TRHDE: variants seen among roughly 807,000 people sequenced by gnomAD.
TRHDE encodes thyrotropin-releasing hormone-degrading ectoenzyme.
In TRHDE, 72 loss-of-function variants were observed where a neutral mutation model predicts 125.7. That is an observed-to-expected ratio of 0.57 (90% confidence interval 0.47 to 0.70). The LOEUF (loss-of-function observed/expected upper bound fraction) is 0.70. Among genes scored for constraint, TRHDE ranks in the 30% least tolerant of loss-of-function variants. The pLI, the probability that TRHDE is intolerant of heterozygous loss-of-function variation, is 0.00. For missense variants in TRHDE, 1,110 were observed against 1,327.1 expected (o/e 0.84, Z 2.54); for synonymous variants, 509 against 509.1 (o/e 1.00, Z 0.00).
intron 3 of TRHDE, among the ~76,000 whole-genome samples, chr12:72,467,266 A>G (rs529221694): frequency 6.7e-6 from 1 of 148,924 alleles, no homozygotes; most frequent in East Asian, 2.0e-4. Flanking sequence ...CTGGTATACG[A>G]TGTTCCCCTT....
At chr12:72,276,270 T>C (rs936648144) in intron 1 of TRHDE, among the ~76,000 whole-genome samples, 1 of 152,222 alleles carries the variant, frequency 6.6e-6, no homozygotes, top group African/African-American at 2.4e-5. Context: ...TTTCATTTGA[T>C]TAATGATTAA....
At chr12:72,352,526 C>T (rs550649224) in intron 2 of TRHDE, among the ~76,000 whole-genome samples, 3 of 151,824 alleles carry the variant, frequency 2.0e-5, no homozygotes, top group South Asian at 4.1e-4. Flanking sequence ...TACTTTTGTA[C>T]TGAATAATAC....
chr12:72,523,910 A>G (rs557692873), intron 6 of TRHDE, among the ~76,000 whole-genome samples: 101 of 152,242 alleles, frequency 6.6e-4, no homozygotes, highest in Middle Eastern at 3.4e-3. Flanking sequence ...GTGCTTTGCC[A>G]CTCTGAAAAC....
At chr12:72,223,680 T>C (rs1878044593) in intron 2 of TRHDE, among the ~76,000 whole-genome samples, 2 of 152,156 alleles carry the variant, frequency 1.3e-5, no homozygotes, top group Non-Finnish European at 2.9e-5. Flanking sequence ...CAGTTGTATA[T>C]AGATTTAAAA....
chr12:72,294,377 G>T lies in TRHDE; in HGVS notation c.1188+7423G>T, dbSNP rs373210050. On this transcript the variant is annotated intron_variant, in intron 2 of 18. Transcript: ENST00000261180. ...CTGTCTGTGTGTGTGTGTGGTGGGG[G>T]GCGGTGGGGCGGACAGCTCCTTTCC... 1.6e-4 allele frequency among the ~76,000 whole-genome samples: 24 copies of T among 152,116 alleles called. No homozygotes were observed. The East Asian group carries it at 2.3e-3, about 15-fold the overall frequency.
At chr12:72,534,442 G>A (rs1868739730) in intron 6 of TRHDE, among the ~76,000 whole-genome samples, 1 of 151,932 alleles carries the variant, frequency 6.6e-6, no homozygotes, top group African/African-American at 2.4e-5. Context: ...CTTGAGTATA[G>A]ACCACCCAGT....
intron 2 of TRHDE, among the ~76,000 whole-genome samples, chr12:72,242,527 G>T (rs1878502295): frequency 6.6e-6 from 1 of 152,114 alleles, no homozygotes; most frequent in African/African-American, 2.4e-5. Context: ...TCTGTTTTGG[G>T]TGCTGTAGGG....
At chr12:72,478,734 T>G (rs560651122) in intron 5 of TRHDE, among the ~76,000 whole-genome samples, 1 of 152,036 alleles carries the variant, frequency 6.6e-6, no homozygotes, top group Non-Finnish European at 1.5e-5. Flanking sequence ...ATATCTCCTG[T>G]GCTGTAGTTG....
intron 1 of TRHDE, among the ~76,000 whole-genome samples, chr12:72,095,228 C>G (rs1592438037): frequency 6.6e-6 from 1 of 152,324 alleles, no homozygotes; most frequent in East Asian, 1.9e-4. Flanking sequence ...AGGCTGCTGC[C>G]AACACCCACG....
intron 6 of TRHDE, among the ~76,000 whole-genome samples, chr12:72,540,085 T>A (rs1220222236): frequency 6.6e-6 from 1 of 151,690 alleles, no homozygotes; most frequent in Non-Finnish European, 1.5e-5. Flanking sequence ...ATACATAGTA[T>A]GTGCTTAGTA....
intron 2 of TRHDE, among the ~76,000 whole-genome samples, chr12:72,250,431 A>T (rs778681464): frequency 6.6e-6 from 1 of 152,192 alleles, no homozygotes; most frequent in Non-Finnish European, 1.5e-5. Flanking sequence ...TCAGAGTCAG[A>T]TAATCCAGCT....
intron 3 of TRHDE, among the ~76,000 whole-genome samples, chr12:72,381,550 T>C (rs540321522): frequency 0.016 from 2,486 of 151,614 alleles, 39 homozygotes; most frequent in Non-Finnish European, 0.029. Context: ...CGCCCGCCAC[T>C]ACGCCTGGCT....
At chr12:72,405,713 T>C (rs1055503040) in intron 3 of TRHDE, among the ~76,000 whole-genome samples, 1 of 152,342 alleles carries the variant, frequency 6.6e-6, no homozygotes, top group East Asian at 1.9e-4. Flanking sequence ...TTTTTTGATA[T>C]TTCCGAAAGG....
At chr12:72,566,374 TTATAAC>T (rs1242471393) in intron 9 of TRHDE, among the ~76,000 whole-genome samples, 2 of 151,756 alleles carry the variant, frequency 1.3e-5, no homozygotes, top group African/African-American at 4.8e-5. Flanking sequence ...AACCTTATAG[TTATAAC>T]TATAAGGTTT....
intron 6 of TRHDE, among the ~76,000 whole-genome samples, chr12:72,501,014 A>G (rs1878132734): frequency 6.6e-6 from 1 of 152,094 alleles, no homozygotes; most frequent in East Asian, 1.9e-4. Flanking sequence ...TGACTGACCC[A>G]TGAATACAGT....
In TRHDE at chr12:72,298,969, C is replaced by T. The variant is rs928217079; in HGVS notation, c.1188+12015C>T. ...GGTTGCAGTTGGCATGAAAAAATGG[C>T]CAAACTTTTGCACCAAATGTGTTGC... is the stretch of plus-strand genomic sequence containing the variant. On this transcript the variant is annotated intron_variant, in intron 2 of 18. Transcript: ENST00000261180. Among the ~76,000 whole-genome samples the T allele has an allele frequency of 4.6e-5, 7 of 152,022 alleles. No homozygotes were observed. The South Asian group carries it at 1.5e-3, about 32-fold the overall frequency.
In TRHDE at chr12:72,595,126, G is replaced by T. The variant is rs545132900; in HGVS notation, c.2321+19584G>T. On this transcript the variant is annotated intron_variant, in intron 12 of 18. Coordinates refer to ENST00000261180, the MANE Select transcript of TRHDE (RefSeq NM_013381.3). ...TGGGGACTGTTGTGGGGTGGGGGGAGGGGGGAGGGATAGCATTAGGAGATA... is the reference window on the plus strand; with the variant it reads ...TGGGGACTGTTGTGGGGTGGGGGGATGGGGGAGGGATAGCATTAGGAGATA... Among the ~76,000 whole-genome samples the T allele has an allele frequency of 1.7e-4, 18 of 107,386 alleles. No homozygotes were observed. In the South Asian group the frequency reaches 6.4e-3, roughly 38 times the overall value. 70.4% of individuals were successfully genotyped at this position (107,386 alleles called of 152,430 possible).
chr12:72,387,862 T>C (rs1364192749), intron 3 of TRHDE, among the ~76,000 whole-genome samples: 1 of 152,212 alleles, frequency 6.6e-6, no homozygotes, highest in Non-Finnish European at 1.5e-5. Flanking sequence ...CTGCCATGAT[T>C]GTGAGGCCTC....
intron 15 of TRHDE, among the ~76,000 whole-genome samples, chr12:72,632,766 T>C (rs1337613902): frequency 6.6e-6 from 1 of 151,834 alleles, no homozygotes; most frequent in African/African-American, 2.4e-5. Flanking sequence ...GTCACGAATT[T>C]TCCTCTATTT....
Sources: gnomAD v4.1 joint callset for allele counts (sites outside exome capture counted in the v4.1 genomes callset) on GRCh38, gnomAD v4.1.1 for gene constraint, MANE v1.5 for transcripts, NCBI Gene and HGNC (gene_info 2026-07-23, HGNC 2026-07-21) for gene names.